HSP90B1: variants seen among roughly 807,000 people sequenced by gnomAD.
HSP90B1 encodes the protein heat shock protein 90 beta family member 1.
A neutral mutation model predicts 100.4 loss-of-function variants in HSP90B1; 27 were observed. The ratio of observed to expected loss-of-function variants is 0.27; its 90% CI spans 0.20 to 0.37. The LOEUF is 0.37. Ranked by LOEUF, HSP90B1 falls within the 10% of genes least tolerant of loss-of-function variation. The pLI, the probability that HSP90B1 is intolerant of heterozygous loss-of-function variation, is 1.00. For synonymous variants in HSP90B1, 304 were observed against 330.8 expected (o/e 0.92, Z 0.88); for missense variants, 678 against 960.5 (o/e 0.71, Z 3.89).
At chr12:103,933,883 GT>G in intron 4 of HSP90B1, 72 bp from the exon 5 acceptor site, 3 of 1,221,072 alleles carry the variant, frequency 2.5e-6, no homozygotes, top group Non-Finnish European at 3.5e-6. Flanking sequence ...CCCAAAGCTG[GT>G]TAGTTCCTCA....
In HSP90B1 at chr12:103,937,790, A is replaced by C. The variant is rs746760626; in HGVS notation, c.839A>C (p.Tyr280Ser). 1 of 1,514,080 alleles carries C rather than the reference A, an allele frequency of 6.6e-7. No individual in the cohort carries two copies. Among genetic ancestry groups the C allele is most frequent in the African/African-American group, 1.4e-5 (1 of 72,778 alleles). 93.8% of individuals were successfully genotyped at this position (1,514,080 alleles called of 1,614,324 possible). A position where few individuals can be genotyped will look rare whatever the true frequency, so the allele number is the denominator to read the frequency against. The change falls in exon 6 of 18, where the codon TAT becomes TCT. Residue 280 changes from tyrosine to serine, a missense_variant. Tyr to Ser is a moderately radical substitution (Grantham distance 144). Coordinates refer to ENST00000299767, the MANE Select transcript of HSP90B1 (RefSeq NM_003299.3). ...KYSQFINFPI[Y>S]VWSSKTETVE... is the part of the protein sequence containing the mutation. The stretch of plus-strand genomic sequence containing the variant: ...TCACAGTTCATAAACTTTCCTATTT[A>C]TGTATGGAGCAGCAAGGTAAATCTA...
intron 4 of HSP90B1, 46 bp from the exon 5 acceptor site, chr12:103,933,910 A>G: frequency 6.8e-7 from 1 of 1,467,476 alleles, no homozygotes; most frequent in Non-Finnish European, 9.4e-7. Context: ...TGTTTGGCAT[A>G]ATGTAAATAT....
Position 103,937,707 on chromosome 12 carries a change from A to C in HSP90B1, c.756A>C (p.Lys252Asn), listed in dbSNP as rs751759985. Residue 252 changes from lysine (K) to asparagine (N), a missense_variant, in exon 6 of 18, where the codon AAA becomes AAC. This residue lies in a region of HSP90B1 where 238 missense variants were observed against 346.7 expected (regional missense o/e 0.69). Coordinates refer to ENST00000299767, the MANE Select transcript of HSP90B1 (RefSeq NM_003299.3). ...ATTTTTCTTGCAGCCTTGTCTTAAA[A>C]GAAGAAGCATCTGATTACCTTGAAT... is the stretch of plus-strand genomic sequence containing the variant. ...GRGTTITLVLKEEASDYLELD... is the reference protein window; with the variant it reads ...GRGTTITLVLNEEASDYLELD... The C allele has an allele frequency of 6.4e-6, 10 of 1,571,406 alleles. No individual in the cohort carries two copies. Among genetic ancestry groups the C allele is most frequent in the Non-Finnish European group, 7.9e-6 (9 of 1,143,234 alleles).
chr12:103,947,853 A>T lies in HSP90B1; in HGVS notation c.*191A>T, dbSNP rs1020760458. On this transcript the variant is annotated 3_prime_UTR_variant, in exon 18 of 18. Coordinates refer to ENST00000299767, the MANE Select transcript of HSP90B1 (RefSeq NM_003299.3). The stretch of plus-strand genomic sequence containing the variant: ...TTTTTAACATTCCTCATGAATGTAA[A>T]TTTGTACTATTTAACTGACTATTCT... 14 of 626,142 alleles carry T rather than the reference A, an allele frequency of 2.2e-5. No homozygotes were observed. The highest frequency in any genetic ancestry group is 4.0e-5 in the Non-Finnish European group (14 of 346,258). 38.8% of individuals were successfully genotyped at this position (626,142 alleles called of 1,614,324 possible). A position where few individuals can be genotyped will look rare whatever the true frequency, so the allele number is the denominator to read the frequency against.
intron 5 of HSP90B1, among the ~76,000 whole-genome samples, chr12:103,934,698 T>TTTTA (rs1207076786): frequency 3.9e-5 from 6 of 152,140 alleles, no homozygotes; most frequent in African/African-American, 1.2e-4. Context: ...TGTGATGAAC[T>TTTTA]TTTATTTATT....
At chr12:103,933,923 A>C (rs746249794) in intron 4 of HSP90B1, 33 bp from the exon 5 acceptor site, 1 of 1,545,466 alleles carries the variant, frequency 6.5e-7, no homozygotes, top group Non-Finnish European at 8.9e-7. Context: ...GTAAATATTA[A>C]ATACAACTAT....
intron 14 of HSP90B1, among the ~76,000 whole-genome samples, chr12:103,944,284 G>A: frequency 6.6e-6 from 1 of 152,088 alleles, no homozygotes; most frequent in East Asian, 1.9e-4. Flanking sequence ...ATTAAATTAT[G>A]GGTATCCAGA....
In HSP90B1 at chr12:103,941,515, G is replaced by A. The variant is rs374437641; in HGVS notation, c.1198G>A (p.Glu400Lys). ...ATCTGCTCCACGTGGTCTGTTTGAC[G>A]AATATGGATCTAAAAAGAGCGATTA... ...PTSAPRGLFD[E>K]YGSKKSDYIK... The change falls in exon 9 of 18, where the codon GAA becomes AAA. Residue 400 changes from glutamate to lysine, a missense_variant. Transcript: ENST00000299767. 8.7e-6 allele frequency: 14 copies of A among 1,613,948 alleles called. 1 individual carries two copies. The highest frequency in any genetic ancestry group is 2.5e-6 in the Non-Finnish European group (3 of 1,179,986).
chr12:103,930,537 G>C lies in HSP90B1; in HGVS notation c.22G>C (p.Gly8Arg). Residue 8 changes from glycine to arginine, a missense_variant, in exon 1 of 18, where the codon GGC becomes CGC. Physicochemically the swap from Gly to Arg is moderately radical, Grantham distance 125. Around this residue, in one of 8 missense-constraint regions of HSP90B1, gnomAD observed 88 missense variants for 88.2 expected, o/e 1.00. Coordinates refer to ENST00000299767, the MANE Select transcript of HSP90B1 (RefSeq NM_003299.3). This position sits in a 1 kb window ranked among gnomAD's most constrained non-coding sequence, Gnocchi z 4.4. MRALWVL[G>R]LCCVLLTFGS... is the part of the protein sequence containing the mutation. Reference sequence around the variant, plus strand: ...CGCCATGAGGGCCCTGTGGGTGCTGGGCCTCTGCTGCGTCCTGCTGACCTT... The same window carrying C: ...CGCCATGAGGGCCCTGTGGGTGCTGCGCCTCTGCTGCGTCCTGCTGACCTT... The C allele has an allele frequency of 6.2e-7, 1 of 1,611,258 alleles. No homozygotes were observed. Among genetic ancestry groups the C allele is most frequent in the Non-Finnish European group, 8.5e-7 (1 of 1,178,960 alleles).
intron 5 of HSP90B1, among the ~76,000 whole-genome samples, chr12:103,936,498 T>A (rs1350964312): frequency 6.6e-6 from 1 of 151,774 alleles, no homozygotes; most frequent in African/African-American, 2.4e-5. Context: ...AAATAAAAAA[T>A]TAGCTTGGCA....
Position 103,943,561 on chromosome 12 carries a change from T to C in HSP90B1, c.1891-177T>C. ...GGTATTTAAACTTCTGACTAGAAAA[T>C]TCAGATTATCAAGTAAGTGCCCCTA... On this transcript the variant is annotated intron_variant, in intron 13 of 17. Transcript: ENST00000299767. The surrounding 1 kb of genome is among the most constrained non-coding windows in gnomAD (Gnocchi z 5.3). 2.8e-6 allele frequency: 2 copies of C among 720,938 alleles called. No homozygotes were observed. The highest frequency in any genetic ancestry group is 2.2e-5 in the South Asian group (1 of 46,310). The allele number at this position is 720,938 out of a possible 1,614,324, so 44.7% of individuals were successfully genotyped here. A position where few individuals can be genotyped will look rare whatever the true frequency, so the allele number is the denominator to read the frequency against.
Position 103,934,206 on chromosome 12 carries a change from A to G in HSP90B1, c.662A>G (p.His221Arg). Reference sequence around the variant, plus strand: ...TCAAAACACAACAACGATACCCAGCACATCTGGGAGTCTGACTCCAATGAA... The same window carrying G: ...TCAAAACACAACAACGATACCCAGCGCATCTGGGAGTCTGACTCCAATGAA... ...VTSKHNNDTQ[H>R]IWESDSNEFS... The change falls in exon 5 of 18, where the codon CAC (histidine) becomes CGC (arginine). Residue 221 changes from histidine to arginine, a missense_variant. His to Arg is a conservative substitution (Grantham distance 29). Coordinates refer to ENST00000299767, the MANE Select transcript of HSP90B1 (RefSeq NM_003299.3). The G allele has an allele frequency of 1.2e-6, 2 of 1,614,228 alleles. No individual in the cohort carries two copies. The highest frequency in any genetic ancestry group is 1.7e-6 in the Non-Finnish European group (2 of 1,180,028).
intron 5 of HSP90B1, 29 bp downstream of exon 5, chr12:103,934,316 T>A: frequency 6.5e-7 from 1 of 1,535,036 alleles, no homozygotes; most frequent in Non-Finnish European, 9.0e-7. Context: ...TTATAAGAAT[T>A]AATAGTCATG....
At position 103,943,495 on chromosome 12, in the gene HSP90B1, TA is replaced by T; in HGVS notation, c.1890+178del. The T allele has an allele frequency of 1.4e-6, 1 of 698,204 alleles. No individual in the cohort carries two copies. Among genetic ancestry groups the T allele is most frequent in the Non-Finnish European group, 2.3e-6 (1 of 429,564 alleles). The allele number at this position is 698,204 out of a possible 1,614,324, so 43.3% of individuals were successfully genotyped here. The stretch of plus-strand genomic sequence containing the variant: ...AAAACTTTCGACAATACTGCTTTGT[TA>T]ATAACTTGTTACAAATTAAATTTTA... On this transcript the variant is annotated intron_variant, in intron 13 of 17. Coordinates refer to ENST00000299767, the MANE Select transcript of HSP90B1 (RefSeq NM_003299.3). This position sits in a 1 kb window ranked among gnomAD's most constrained non-coding sequence, Gnocchi z 5.3.
intron 16 of HSP90B1, 127 bp downstream of exon 16, chr12:103,947,068 A>G: frequency 8.7e-7 from 1 of 1,148,358 alleles, no homozygotes; most frequent in Non-Finnish European, 1.2e-6. Flanking sequence ...TTTTGAAAGA[A>G]TTTTATTGAA....
In HSP90B1 at chr12:103,943,914, C is replaced by T; in HGVS notation, c.2027+40C>T. On this transcript the variant is annotated intron_variant, in intron 14 of 17. Coordinates refer to ENST00000299767, the MANE Select transcript of HSP90B1 (RefSeq NM_003299.3). The surrounding 1 kb of genome is among the most constrained non-coding windows in gnomAD (Gnocchi z 5.3). ...GAAAGTCCCTGCCAGGGCGTTGCCC[C>T]TTACCCAATCTTTGTTTTGGAGATA... 1 of 1,571,526 alleles carries T rather than the reference C, an allele frequency of 6.4e-7. No individual in the cohort carries two copies.
chr12:103,939,489 A>G lies in HSP90B1; in HGVS notation c.976-20A>G, dbSNP rs762119595. ...TGGTGAGTGCTGAGAGAGACTAATC[A>G]AATACTATAATAACTTCAGGTTGAA... On this transcript the variant is annotated intron_variant, in intron 7 of 17. Coordinates refer to ENST00000299767, the MANE Select transcript of HSP90B1 (RefSeq NM_003299.3). 2 of 1,166,818 alleles carry G rather than the reference A, an allele frequency of 1.7e-6. No individual in the cohort carries two copies. The highest frequency in any genetic ancestry group is 5.0e-5 in the East Asian group (2 of 40,292). The allele number at this position is 1,166,818 out of a possible 1,614,324, so 72.3% of individuals were successfully genotyped here.
chr12:103,938,002 A>G (rs1302662075), intron 6 of HSP90B1, among the ~76,000 whole-genome samples, 196 bp downstream of exon 6: 1 of 152,138 alleles, frequency 6.6e-6, no homozygotes, highest in East Asian at 1.9e-4. Flanking sequence ...CCCTGTCTCT[A>G]CTAAAAATAC....
intron 1 of HSP90B1, among the ~76,000 whole-genome samples, chr12:103,931,039 G>T (rs1460557283): frequency 6.6e-6 from 1 of 152,212 alleles, no homozygotes; most frequent in African/African-American, 2.4e-5. Context: ...CAGCGTGTTT[G>T]ATTCAGTTTT....
Sources: gnomAD v4.1 joint callset for allele counts (sites outside exome capture counted in the v4.1 genomes callset) on GRCh38, gnomAD v4.1.1 for gene constraint, gnomAD v4.1.1 regional missense constraint, Gnocchi (gnomAD v3.1) non-coding constraint, MANE v1.5 for transcripts, NCBI Gene and HGNC (gene_info 2026-07-23, HGNC 2026-07-21) for gene names.